SCAMP1: variants seen among roughly 807,000 people sequenced by gnomAD.
The protein encoded by SCAMP1 is secretory carrier-associated membrane protein 1.
In SCAMP1, 15 loss-of-function variants were observed where a neutral mutation model predicts 41.8. The observed-to-expected ratio is 0.36, with a 90% CI of 0.24 to 0.55. The LOEUF is 0.55. SCAMP1 is among the 20% of genes least tolerant of loss of function. The pLI is 0.86. For missense variants in SCAMP1, 341 were observed against 412.6 expected (o/e 0.83, Z 1.50); for synonymous variants, 135 against 136.8 (o/e 0.99, Z 0.09).
At chr5:78,445,095 T>C (rs1165704979) in intron 6 of SCAMP1, among the ~76,000 whole-genome samples, 2 of 152,238 alleles carry the variant, frequency 1.3e-5, no homozygotes, top group African/African-American at 4.8e-5. Context: ...TGAAATACTT[T>C]GTCTTTTCCC....
At chr5:78,416,514 A>G (rs760654151) in intron 3 of SCAMP1, 27 bp from the exon 4 acceptor site, 3 of 1,497,704 alleles carry the variant, frequency 2.0e-6, no homozygotes, top group Non-Finnish European at 2.7e-6. Flanking sequence ...CTGACAGTCT[A>G]TTCACATATT....
intron 1 of SCAMP1, among the ~76,000 whole-genome samples, chr5:78,384,899 G>A (rs530046809): frequency 5.3e-5 from 8 of 152,224 alleles, no homozygotes; most frequent in African/African-American, 1.9e-4. Context: ...CAGGGATATT[G>A]GCCTGTAGTT....
chr5:78,458,779 C>T (rs1173102473), intron 7 of SCAMP1, among the ~76,000 whole-genome samples: 3 of 152,110 alleles, frequency 2.0e-5, no homozygotes, highest in Non-Finnish European at 4.4e-5. Flanking sequence ...ACTCAGGAGG[C>T]TGAGGTAGGA....
intron 2 of SCAMP1, among the ~76,000 whole-genome samples, chr5:78,397,449 TACAA>T (rs1478641308): frequency 1.3e-5 from 2 of 152,072 alleles, no homozygotes; most frequent in African/African-American, 2.4e-5. Flanking sequence ...ACACTAAAAA[TACAA>T]ACAACAAAAG....
chr5:78,463,593 C>T (rs753566587), intron 8 of SCAMP1, among the ~76,000 whole-genome samples: 3 of 152,234 alleles, frequency 2.0e-5, no homozygotes, highest in Non-Finnish European at 2.9e-5. Flanking sequence ...TCCTTTTGAA[C>T]GTTCTGAGTA....
At position 78,412,614 on chromosome 5, in the gene SCAMP1, T is replaced by G. The variant is rs532542250; in HGVS notation, c.136-2906T>G. Among the ~76,000 whole-genome samples, 166 of 152,164 alleles carry G rather than the reference T, an allele frequency of 1.1e-3. 1 individual carries two copies. Among genetic ancestry groups the G allele is most frequent in the Non-Finnish European group, 2.1e-3 (143 of 67,986 alleles). On this transcript the variant is annotated intron_variant, in intron 2 of 8. Coordinates refer to ENST00000621999, the MANE Select transcript of SCAMP1 (RefSeq NM_004866.6). ...GGTATTGTCAGAGTTTGTTTTTCTA[T>G]CTCATGGTTTTGAAATGATATATGA...
At chr5:78,394,844 T>A (rs942123754) in intron 2 of SCAMP1, among the ~76,000 whole-genome samples, 4 of 152,240 alleles carry the variant, frequency 2.6e-5, no homozygotes, top group Non-Finnish European at 1.5e-5. Flanking sequence ...TCTTTGGCGC[T>A]AACAGCTTCT....
In SCAMP1 at chr5:78,480,334, G is replaced by T. The variant is rs1219278339; in HGVS notation, c.*4666G>T. On this transcript the variant is annotated 3_prime_UTR_variant, in exon 9 of 9. Transcript: ENST00000621999. ...ATATTATCTTCTATACATTAAAACAGTTCTAGTTTGTAGAATAATACCATA... is the reference window on the plus strand; with the variant it reads ...ATATTATCTTCTATACATTAAAACATTTCTAGTTTGTAGAATAATACCATA... 6.6e-6 allele frequency among the ~76,000 whole-genome samples: 1 copy of T among 152,118 alleles called. No individual in the cohort carries two copies. The highest frequency in any genetic ancestry group is 1.5e-5 in the Non-Finnish European group (1 of 68,010).
chr5:78,387,682 C>G (rs4704508), intron 1 of SCAMP1, among the ~76,000 whole-genome samples: 28,390 of 151,964 alleles, frequency 0.19, 3,280 homozygotes, highest in Admixed American at 0.35. Context: ...CTTTCCTGTA[C>G]GGATGGGGCT....
At chr5:78,391,099 A>G (rs1751481500) in intron 2 of SCAMP1, among the ~76,000 whole-genome samples, 1 of 148,402 alleles carries the variant, frequency 6.7e-6, no homozygotes, top group Admixed American at 6.7e-5. Flanking sequence ...TCTTTTCCCC[A>G]CCTTTCCCCC....
intron 8 of SCAMP1, among the ~76,000 whole-genome samples, chr5:78,467,415 CCAG>C (rs1230797019): frequency 6.6e-6 from 1 of 152,144 alleles, no homozygotes; most frequent in African/African-American, 2.4e-5. Context: ...AATACTTTGA[CCAG>C]CAGTTTTTTT....
At chr5:78,390,038 A>G (rs961962302) in intron 2 of SCAMP1, among the ~76,000 whole-genome samples, 1 of 152,198 alleles carries the variant, frequency 6.6e-6, no homozygotes, top group African/African-American at 2.4e-5. Context: ...ATGGGCGGCA[A>G]TCTGTGACTT....
chr5:78,461,177 T>A (rs1753602356), intron 8 of SCAMP1, among the ~76,000 whole-genome samples: 1 of 152,164 alleles, frequency 6.6e-6, no homozygotes, highest in Non-Finnish European at 1.5e-5. Context: ...ATGCAGAAGC[T>A]CTTTAAGTCC....
At position 78,469,924 on chromosome 5, in the gene SCAMP1, AAAAAAAAACAAC is replaced by A. The variant is rs1753841743; in HGVS notation, c.853-5577_853-5566del. ...AAAAAAAAAAAAAACAAAAAAAAAAAAAAAAAAACAACAACACAGCCCAGGCATGGTGGTGTG... is the reference window on the plus strand; with the variant it reads ...AAAAAAAAAAAAAACAAAAAAAAAAAAACACAGCCCAGGCATGGTGGTGTG... On this transcript the variant is annotated intron_variant, in intron 8 of 8. Coordinates refer to ENST00000621999, the MANE Select transcript of SCAMP1 (RefSeq NM_004866.6). Among the ~76,000 whole-genome samples, 20 of 18,774 alleles carry A rather than the reference AAAAAAAAACAAC, an allele frequency of 1.1e-3. 1 individual carries two copies. The highest frequency in any genetic ancestry group is 4.4e-3 in the African/African-American group (15 of 3,376). 12.3% of individuals were successfully genotyped at this position (18,774 alleles called of 152,430 possible).
At chr5:78,430,910 C>T (rs1274111229) in intron 6 of SCAMP1, among the ~76,000 whole-genome samples, 2 of 152,044 alleles carry the variant, frequency 1.3e-5, no homozygotes, top group Non-Finnish European at 2.9e-5. Flanking sequence ...ACAAAGTTCT[C>T]TGCCCACTGA....
At chr5:78,360,767 G>A (rs1422556320) in intron 1 of SCAMP1, 39 bp downstream of exon 1, 1 of 1,571,272 alleles carries the variant, frequency 6.4e-7, no homozygotes, top group Admixed American at 1.8e-5. Context: ...GCCGCGACGC[G>A]TCGTTGTTTG....
chr5:78,395,989 A>G (rs886770800), intron 2 of SCAMP1, among the ~76,000 whole-genome samples: 3 of 152,206 alleles, frequency 2.0e-5, no homozygotes, highest in Non-Finnish European at 4.4e-5. Flanking sequence ...GGTACACTTT[A>G]GAGTCTACCT....
intron 1 of SCAMP1, among the ~76,000 whole-genome samples, chr5:78,382,773 C>T (rs1751237275): frequency 8.4e-6 from 1 of 118,870 alleles, no homozygotes; most frequent in African/African-American, 3.5e-5. Flanking sequence ...AGTAGTATTC[C>T]ATGGTGTGTG....
chr5:78,464,858 T>C (rs1753705702), intron 8 of SCAMP1, among the ~76,000 whole-genome samples: 1 of 152,086 alleles, frequency 6.6e-6, no homozygotes, highest in African/African-American at 2.4e-5. Flanking sequence ...GGGATTATAG[T>C]GGTGGTGGGA....
Sources: gnomAD v4.1 joint callset for allele counts (sites outside exome capture counted in the v4.1 genomes callset) on GRCh38, gnomAD v4.1.1 for gene constraint, MANE v1.5 for transcripts, NCBI Gene and HGNC (gene_info 2026-07-23, HGNC 2026-07-21) for gene names.